Variants in TOP2A observed in about 807,000 individuals in gnomAD.
TOP2A encodes DNA topoisomerase 2-alpha.
A neutral mutation model predicts 187.2 loss-of-function variants in TOP2A; 68 were observed. The ratio of observed to expected loss-of-function variants is 0.36; its 90% CI spans 0.30 to 0.44. The LOEUF (loss-of-function observed/expected upper bound fraction) is 0.44. Among genes scored for constraint, TOP2A ranks in the 20% least tolerant of loss-of-function variants. TOP2A has a pLI of 1.00. For synonymous variants in TOP2A, 542 were observed against 593.2 expected (o/e 0.91, Z 1.25); for missense variants, 1,196 against 1,808.7 (o/e 0.66, Z 6.14).
At chr17:40,401,226 T>A in intron 20 of TOP2A, 145 bp from the exon 21 acceptor site, 1 of 704,164 alleles carries the variant, frequency 1.4e-6, no homozygotes, top group Non-Finnish European at 2.3e-6. Context: ...TATTGAGCAC[T>A]TGCTATGTGT....
Position 40,400,514 on chromosome 17 carries a change from T to C in TOP2A, c.2799+15A>G. On this transcript the variant is annotated intron_variant, in intron 22 of 34. Coordinates refer to ENST00000423485, the MANE Select transcript of TOP2A (RefSeq NM_001067.4). The stretch of plus-strand genomic sequence containing the variant: ...TTTGATCACAAACCTAAAAAAGAAA[T>C]CCATAATTATTTACCTGGGTCCATG... 1.2e-6 allele frequency: 2 copies of C among 1,603,298 alleles called. No individual in the cohort carries two copies. The highest frequency in any genetic ancestry group is 8.5e-7 in the Non-Finnish European group (1 of 1,176,456).
chr17:40,399,796 A>G, intron 24 of TOP2A, 76 bp downstream of exon 24: 1 of 1,317,734 alleles, frequency 7.6e-7, no homozygotes. Flanking sequence ...CTCCACCATT[A>G]CTCTCACCAA....
chr17:40,399,344 ATTTT>A, intron 24 of TOP2A: 2 of 499,180 alleles, frequency 4.0e-6, no homozygotes, highest in Non-Finnish European at 7.1e-6. Context: ...TGATCAAATC[ATTTT>A]TTTTTGGAGA....
chr17:40,399,148 A>G lies in TOP2A; in HGVS notation c.3197-17T>C, dbSNP rs776777099. 28 of 1,469,444 alleles carry G rather than the reference A, an allele frequency of 1.9e-5. No homozygotes were observed. Among genetic ancestry groups the G allele is most frequent in the Non-Finnish European group, 2.6e-5 (28 of 1,074,776 alleles). The allele number at this position is 1,469,444 out of a possible 1,614,324, so 91.0% of individuals were successfully genotyped here. A position where few individuals can be genotyped will look rare whatever the true frequency, so the allele number is the denominator to read the frequency against. The stretch of plus-strand genomic sequence containing the variant: ...GCTTATTTTCTATTTTTAAAAAAGT[A>G]AACAGAGATAATGATTTTGAGTAAT... On this transcript the variant is annotated splice_polypyrimidine_tract_variant and intron_variant, in intron 24 of 34. Transcript: ENST00000423485.
intron 24 of TOP2A, 39 bp downstream of exon 24, chr17:40,399,832 AC>A: frequency 6.6e-7 from 1 of 1,522,626 alleles, no homozygotes; most frequent in East Asian, 2.3e-5. Context: ...GTTTGGCGTA[AC>A]TAGAGTTTTA....
At chr17:40,399,402 A>G in intron 24 of TOP2A, 1 of 415,578 alleles carries the variant, frequency 2.4e-6, no homozygotes, top group Non-Finnish European at 4.3e-6. Context: ...GTGCAGTGGC[A>G]CTACCTAGGC....
At chr17:40,397,613 G>T (rs551748979) in intron 27 of TOP2A, among the ~76,000 whole-genome samples, 3 of 151,768 alleles carry the variant, frequency 2.0e-5, no homozygotes, top group African/African-American at 7.3e-5. Flanking sequence ...TGACTTGGGG[G>T]ACTGGGTTGG....
intron 1 of TOP2A, chr17:40,417,556 G>T: frequency 7.0e-7 from 1 of 1,431,442 alleles, no homozygotes; most frequent in Non-Finnish European, 9.1e-7. Context: ...GGGCAACAAC[G>T]CACGACACCC....
rs753780227 is a variant in TOP2A, at chr17:40,408,845, T to C, written c.1204-215A>G. On this transcript the variant is annotated intron_variant, in intron 10 of 34. Coordinates refer to ENST00000423485, the MANE Select transcript of TOP2A (RefSeq NM_001067.4). The stretch of plus-strand genomic sequence containing the variant: ...TTTTGGTTCATTCGTTCAATAAATA[T>C]TTACTATATAATTATATTGTGCTAG... 4.5e-6 allele frequency: 3 copies of C among 662,982 alleles called. No individual in the cohort carries two copies. In the South Asian group the frequency reaches 4.5e-5, roughly 10 times the overall value. 41.1% of individuals were successfully genotyped at this position (662,982 alleles called of 1,614,324 possible). A position where few individuals can be genotyped will look rare whatever the true frequency, so the allele number is the denominator to read the frequency against.
rs775021904 is a variant in TOP2A, at chr17:40,416,733, AT to A, written c.177+6del. The A allele has an allele frequency of 2.5e-6, 4 of 1,605,060 alleles. No homozygotes were observed. The Admixed American group carries it at 6.9e-5, about 28-fold the overall frequency. On this transcript the variant is annotated splice_donor_region_variant and intron_variant, in intron 2 of 34. Transcript: ENST00000423485. ...AGGTTAACTGCCTTTGATGAGCTTG[AT>A]TTTACCTGGGTCACTAATTCCACAG... is the stretch of plus-strand genomic sequence containing the variant.
In TOP2A at chr17:40,411,949, A is replaced by C; in HGVS notation, c.790-131T>G. 1.3e-6 allele frequency: 1 copy of C among 744,018 alleles called. No homozygotes were observed. The allele number at this position is 744,018 out of a possible 1,614,324, so 46.1% of individuals were successfully genotyped here. A position where few individuals can be genotyped will look rare whatever the true frequency, so the allele number is the denominator to read the frequency against. On this transcript the variant is annotated intron_variant, in intron 7 of 34. Transcript: ENST00000423485. The surrounding 1 kb of genome is among the most constrained non-coding windows in gnomAD (Gnocchi z 4.4). ...GGCATAAGGGAATGGTCATTAAAGG[A>C]CACAGGCCGAGGTGGGTGGATCACT...
Position 40,414,128 on chromosome 17 carries a change from A to G in TOP2A, c.333-503T>C, listed in dbSNP as rs182629001. On this transcript the variant is annotated intron_variant, in intron 4 of 34. Transcript: ENST00000423485. ...AAAAAATACAAAATTTTAAAATGTTAGGATAAACAGAGGGAAATGATTTAT... is the reference window on the plus strand; with the variant it reads ...AAAAAATACAAAATTTTAAAATGTTGGGATAAACAGAGGGAAATGATTTAT... Among the ~76,000 whole-genome samples the G allele has an allele frequency of 3.8e-3, 583 of 152,214 alleles. 3 individuals carry two copies. The highest frequency in any genetic ancestry group is 0.014 in the African/African-American group (562 of 41,444).
At chr17:40,396,521 C>T in intron 27 of TOP2A, 56 bp from the exon 28 acceptor site, 1 of 1,570,814 alleles carries the variant, frequency 6.4e-7, no homozygotes, top group African/African-American at 1.4e-5. Flanking sequence ...ATTACAATAT[C>T]TAAACACCCA....
At position 40,404,219 on chromosome 17, in the gene TOP2A, T is replaced by G. The variant is rs763661948; in HGVS notation, c.2216A>C (p.Lys739Thr). ...TAATTGGGCAACCTTTACTTCTCGC[T>G]TGTCATTCCGTTTGAAGCAAGTAAA... ...VLFTCFKRNDKREVKVAQLAG... is the reference protein window; with the variant it reads ...VLFTCFKRNDTREVKVAQLAG... The change falls in exon 19 of 35, where the codon AAG becomes ACG. Residue 739 changes from lysine to threonine, a missense_variant. This residue lies in a region of TOP2A where 209 missense variants were observed against 376.9 expected (regional missense o/e 0.55). Transcript: ENST00000423485. 1 of 1,613,932 alleles carries G rather than the reference T, an allele frequency of 6.2e-7. No individual in the cohort carries two copies. The highest frequency in any genetic ancestry group is 1.7e-5 in the Admixed American group (1 of 60,028).
At chr17:40,414,392 T>C (rs2035364526) in intron 4 of TOP2A, among the ~76,000 whole-genome samples, 2 of 151,952 alleles carry the variant, frequency 1.3e-5, no homozygotes, top group African/African-American at 4.8e-5. Flanking sequence ...GAGATGAGGG[T>C]CTCACTATAT....
At chr17:40,399,000 A>G in intron 25 of TOP2A, 40 bp downstream of exon 25, 1 of 1,594,116 alleles carries the variant, frequency 6.3e-7, no homozygotes, top group South Asian at 1.1e-5. Context: ...TGTACAATAC[A>G]TAGTCTTTAA....
intron 13 of TOP2A, 70 bp downstream of exon 13, chr17:40,407,479 A>C (rs2035264134): frequency 7.6e-7 from 1 of 1,310,132 alleles, no homozygotes; most frequent in East Asian, 2.5e-5. Context: ...TCATGGCAAA[A>C]AACAATGAAA....
At chr17:40,395,325 A>T in intron 29 of TOP2A, 124 bp downstream of exon 29, 2 of 423,996 alleles carry the variant, frequency 4.7e-6, no homozygotes, top group South Asian at 3.0e-5. Flanking sequence ...TAGAATTGAG[A>T]TACAGTCCTC....
intron 30 of TOP2A, 96 bp from the exon 31 acceptor site, chr17:40,392,437 A>G (rs2035036768): frequency 2.7e-6 from 4 of 1,490,248 alleles, no homozygotes; most frequent in Non-Finnish European, 2.7e-6. Context: ...TAGTTTTTAA[A>G]TCTCCTGAAA....
Sources: allele counts gnomAD v4.1 joint callset (sites outside exome capture counted in the v4.1 genomes callset), GRCh38; gene constraint gnomAD v4.1.1; regional missense constraint gnomAD v4.1.1; non-coding constraint Gnocchi (gnomAD v3.1); transcripts MANE v1.5; gene names NCBI Gene and HGNC (gene_info 2026-07-23, HGNC 2026-07-21).